Variants in PGF observed in about 807,000 individuals in gnomAD.
PGF encodes placenta growth factor.
A neutral mutation model predicts 25.3 loss-of-function variants in PGF; 11 were observed. The observed-to-expected ratio is 0.43, with a 90% CI of 0.27 to 0.72. PGF has a LOEUF of 0.72. PGF is among the 30% of genes least tolerant of loss of function. The probability of loss-of-function intolerance (pLI) is 0.18; values close to 1 mark genes in which losing one functional copy is unlikely to be tolerated. For synonymous variants in PGF, 105 were observed against 97.9 expected (o/e 1.07, Z -0.43); for missense variants, 230 against 234.9 (o/e 0.98, Z 0.14).
rs1888915550 is a variant in PGF at position 74,953,357 on chromosome 14, T to A, written c.118+547A>T. Among the ~76,000 whole-genome samples, 1 of 152,158 alleles carries A rather than the reference T, an allele frequency of 6.6e-6. No homozygotes were observed. The highest frequency in any genetic ancestry group is 6.5e-5 in the Admixed American group (1 of 15,292). ...ATATGTCTCTTTGGCAAACGTCTCG[T>A]TGCCCTTTGAAGACTCCCTCTTGAT... On this transcript the variant is annotated intron_variant, in intron 2 of 6. Transcript: ENST00000555567. This position sits in a 1 kb window ranked among gnomAD's most constrained non-coding sequence, Gnocchi z 5.4.
At chr14:74,949,293 T>C (rs1888815867) in intron 3 of PGF, 64 bp downstream of exon 3, 1 of 1,324,898 alleles carries the variant, frequency 7.5e-7, no homozygotes, top group African/African-American at 1.5e-5. Flanking sequence ...GCCTATCTTC[T>C]TCCCTCTCCA....
In PGF at chr14:74,950,273, TGCAC is replaced by T. The variant is rs1378305676; in HGVS notation, c.119-724_119-721del. 1.3e-5 allele frequency among the ~76,000 whole-genome samples: 2 copies of T among 152,230 alleles called. No individual in the cohort carries two copies. The highest frequency in any genetic ancestry group is 2.9e-5 in the Non-Finnish European group (2 of 68,040). ...TTGAAGACTTCCCCAGCAATTCCAG[TGCAC>T]ACAGATGAGCCTCCCTTGAGCACTG... On this transcript the variant is annotated intron_variant, in intron 2 of 6. Transcript: ENST00000555567. The surrounding 1 kb of genome is among the most constrained non-coding windows in gnomAD (Gnocchi z 4.1).
At chr14:74,944,587 C>T (rs1163957163) in intron 6 of PGF, 1 of 151,898 alleles carries the variant, frequency 6.6e-6, no homozygotes, top group Non-Finnish European at 1.5e-5. Context: ...ACTCTGTCAC[C>T]CAGGCTGAGG....
chr14:74,950,626 C>G lies in PGF; in HGVS notation c.119-1073G>C, dbSNP rs1029817001. ...TGGCCAGAGTCAGACACCTGGCTTC[C>G]AGTCCTGGCCCTACACTGGCTATGT... On this transcript the variant is annotated intron_variant, in intron 2 of 6. Coordinates refer to ENST00000555567, the MANE Select transcript of PGF (RefSeq NM_002632.6). The surrounding 1 kb of genome is among the most constrained non-coding windows in gnomAD (Gnocchi z 4.1). 6.6e-6 allele frequency among the ~76,000 whole-genome samples: 1 copy of G among 152,186 alleles called. No individual in the cohort carries two copies. The highest frequency in any genetic ancestry group is 1.5e-5 in the Non-Finnish European group (1 of 68,030).
chr14:74,955,246 C>T lies in PGF; in HGVS notation c.-4G>A. 1 of 1,455,950 alleles carries T rather than the reference C, an allele frequency of 6.9e-7. No individual in the cohort carries two copies. Among genetic ancestry groups the T allele is most frequent in the Non-Finnish European group, 9.1e-7 (1 of 1,093,306 alleles). 90.2% of individuals were successfully genotyped at this position (1,455,950 alleles called of 1,614,324 possible). A position where few individuals can be genotyped will look rare whatever the true frequency, so the allele number is the denominator to read the frequency against. On this transcript the variant is annotated 5_prime_UTR_variant, in exon 1 of 7. Transcript: ENST00000555567. The surrounding 1 kb of genome is among the most constrained non-coding windows in gnomAD (Gnocchi z 4.1). ...GGAACAGCCTCATGACCGGCATCTTCTCAGACGTCCCGAGCCAGGGGGCTC... is the reference window on the plus strand; with the variant it reads ...GGAACAGCCTCATGACCGGCATCTTTTCAGACGTCCCGAGCCAGGGGGCTC...
chr14:74,954,175 G>A, intron 1 of PGF: 1 of 572,522 alleles, frequency 1.7e-6, no homozygotes, highest in Non-Finnish European at 3.1e-6. Flanking sequence ...GAAAAGGATG[G>A]GAGGCTAGAA....
Position 74,953,780 on chromosome 14 carries a change from T to C in PGF, c.118+124A>G, listed in dbSNP as rs1238753248. 1 of 960,252 alleles carries C rather than the reference T, an allele frequency of 1.0e-6. No individual in the cohort carries two copies. Among genetic ancestry groups the C allele is most frequent in the Non-Finnish European group, 1.7e-6 (1 of 589,608 alleles). The allele number at this position is 960,252 out of a possible 1,614,324, so 59.5% of individuals were successfully genotyped here. A position where few individuals can be genotyped will look rare whatever the true frequency, so the allele number is the denominator to read the frequency against. On this transcript the variant is annotated intron_variant, in intron 2 of 6. Transcript: ENST00000555567. This position sits in a 1 kb window ranked among gnomAD's most constrained non-coding sequence, Gnocchi z 5.4. ...CCTGCCAAAGTCATCACCCAGCATGTCTAGCTTGTAGGCTCTCCCCAGCTT... is the reference window on the plus strand; with the variant it reads ...CCTGCCAAAGTCATCACCCAGCATGCCTAGCTTGTAGGCTCTCCCCAGCTT...
chr14:74,954,242 G>A, intron 1 of PGF: 1 of 436,284 alleles, frequency 2.3e-6, no homozygotes, highest in Non-Finnish European at 4.2e-6. Flanking sequence ...CTGCGGGTCT[G>A]CCTTCTACCC....
chr14:74,946,945 G>A (rs1279103170), intron 4 of PGF: 1 of 710,336 alleles, frequency 1.4e-6, no homozygotes. Flanking sequence ...TCCCAGGGCT[G>A]TGGCTGTTGG....
intron 6 of PGF, chr14:74,944,553 T>G: frequency 6.7e-6 from 1 of 148,960 alleles, no homozygotes; most frequent in East Asian, 1.9e-4. Flanking sequence ...GACTTATACT[T>G]TTTTTTTTTT....
At chr14:74,954,895 C>T (rs1888949951) in intron 1 of PGF, among the ~76,000 whole-genome samples, 2 of 152,116 alleles carry the variant, frequency 1.3e-5, no homozygotes, top group African/African-American at 4.8e-5. Flanking sequence ...TTTAGCAAAG[C>T]CACCAGGGCT....
Position 74,946,477 on chromosome 14 carries a change from C to T in PGF, c.393-69G>A, listed in dbSNP as rs574391100. ...GCAATAAGTGGGGCTCCCTGCCGCC[C>T]GGACAGGTCCCCTCCGACATCCCCA... On this transcript the variant is annotated intron_variant, in intron 4 of 6. Coordinates refer to ENST00000555567, the MANE Select transcript of PGF (RefSeq NM_002632.6). 5.9e-5 allele frequency: 87 copies of T among 1,471,158 alleles called. 1 individual carries two copies. Among genetic ancestry groups the T allele is most frequent in the African/African-American group, 7.0e-5 (5 of 71,524 alleles). The allele number at this position is 1,471,158 out of a possible 1,614,324, so 91.1% of individuals were successfully genotyped here.
chr14:74,946,692 TG>T (rs1308632942), intron 4 of PGF: 1 of 678,466 alleles, frequency 1.5e-6, no homozygotes, highest in Non-Finnish European at 2.7e-6. Context: ...GCATCAAATT[TG>T]GTTGTTTCTG....
Position 74,953,815 on chromosome 14 carries a change from T to A in PGF, c.118+89A>T. On this transcript the variant is annotated intron_variant, in intron 2 of 6. Coordinates refer to ENST00000555567, the MANE Select transcript of PGF (RefSeq NM_002632.6). The surrounding 1 kb of genome is among the most constrained non-coding windows in gnomAD (Gnocchi z 5.4). Reference sequence around the variant, plus strand: ...AGGCTCTCCCCAGCTTTTATCAACCTGCACCCACGCTTCATGCCACACCTG... The same window carrying A: ...AGGCTCTCCCCAGCTTTTATCAACCAGCACCCACGCTTCATGCCACACCTG... The A allele has an allele frequency of 7.5e-7, 1 of 1,328,564 alleles. No homozygotes were observed. Among genetic ancestry groups the A allele is most frequent in the Non-Finnish European group, 1.1e-6 (1 of 919,466 alleles). The allele number at this position is 1,328,564 out of a possible 1,614,324, so 82.3% of individuals were successfully genotyped here.
intron 2 of PGF, among the ~76,000 whole-genome samples, chr14:74,952,318 CACAG>C (rs1362036010): frequency 1.1e-4 from 16 of 152,236 alleles, no homozygotes; most frequent in African/African-American, 3.9e-4. Context: ...TGGCAGGGCA[CACAG>C]ACAGCCTGCC....
Position 74,950,827 on chromosome 14 carries a change from T to C in PGF, c.119-1274A>G, listed in dbSNP as rs1888856663. Among the ~76,000 whole-genome samples the C allele has an allele frequency of 6.6e-6, 1 of 152,128 alleles. No individual in the cohort carries two copies. The highest frequency in any genetic ancestry group is 1.5e-5 in the Non-Finnish European group (1 of 68,002). On this transcript the variant is annotated intron_variant, in intron 2 of 6. Transcript: ENST00000555567. This position sits in a 1 kb window ranked among gnomAD's most constrained non-coding sequence, Gnocchi z 4.1. ...ATGGACAGAGAAACACCCCCAGGCC[T>C]GGGTCATCCTGCTCTGCATCTGATG... is the stretch of plus-strand genomic sequence containing the variant.
Position 74,950,321 on chromosome 14 carries a change from G to C in PGF, c.119-768C>G, listed in dbSNP as rs975283849. On this transcript the variant is annotated intron_variant, in intron 2 of 6. Transcript: ENST00000555567. The surrounding 1 kb of genome is among the most constrained non-coding windows in gnomAD (Gnocchi z 4.1). ...AGCACTGCTTGGCCTCTGGCCTCAA[G>C]GGGTTGCCTTATCTCCGGCACTGCT... Among the ~76,000 whole-genome samples the C allele has an allele frequency of 2.0e-5, 3 of 152,224 alleles. No individual in the cohort carries two copies. The highest frequency in any genetic ancestry group is 4.8e-5 in the African/African-American group (2 of 41,456).
chr14:74,946,269 T>A lies in PGF; in HGVS notation c.429A>T (p.Arg143Ser). The A allele has an allele frequency of 6.2e-7, 1 of 1,614,074 alleles. No homozygotes were observed. The highest frequency in any genetic ancestry group is 8.5e-7 in the Non-Finnish European group (1 of 1,179,994). ...LREKMKPERRRPKGRGKRRRE... is the reference protein window; with the variant it reads ...LREKMKPERRSPKGRGKRRRE... Reference sequence around the variant, plus strand: ...TCCTCCTCTTCCCCCTGCCCTTGGGTCTCCTCCTGCAATAAGCCAAGCGTC... The same window carrying A: ...TCCTCCTCTTCCCCCTGCCCTTGGGACTCCTCCTGCAATAAGCCAAGCGTC... The change falls in exon 6 of 7, where the codon AGA becomes AGT. Residue 143 changes from arginine to serine, a missense_variant. Arg to Ser is a moderately radical substitution (Grantham distance 110). Coordinates refer to ENST00000555567, the MANE Select transcript of PGF (RefSeq NM_002632.6).
In PGF at chr14:74,950,700, GT is replaced by G. The variant is rs1888854011; in HGVS notation, c.119-1148del. Among the ~76,000 whole-genome samples the G allele has an allele frequency of 4.6e-5, 7 of 152,272 alleles. No homozygotes were observed. The South Asian group carries it at 1.4e-3, about 32-fold the overall frequency. On this transcript the variant is annotated intron_variant, in intron 2 of 6. Coordinates refer to ENST00000555567, the MANE Select transcript of PGF (RefSeq NM_002632.6). This position sits in a 1 kb window ranked among gnomAD's most constrained non-coding sequence, Gnocchi z 4.1. ...TTTCTGGATAGATCAGTTTCCTCAG[GT>G]GGGAAAAAAGAAGGTTGGGAATAAA...
Sources: allele counts gnomAD v4.1 joint callset (sites outside exome capture counted in the v4.1 genomes callset), GRCh38; gene constraint gnomAD v4.1.1; non-coding constraint Gnocchi (gnomAD v3.1); transcripts MANE v1.5; gene names NCBI Gene and HGNC (gene_info 2026-07-23, HGNC 2026-07-21).